The following SEMA6D variants were observed in gnomAD, a reference collection of about 807,000 sequenced individuals.
SEMA6D encodes semaphorin 6D.
SEMA6D carries 35 observed loss-of-function variants against 106.6 expected under a neutral mutation model. The ratio of observed to expected loss-of-function variants is 0.33; its 90% CI spans 0.25 to 0.44. The LOEUF (loss-of-function observed/expected upper bound fraction) is 0.44. SEMA6D is among the 20% of genes least tolerant of loss of function. The probability of loss-of-function intolerance (pLI) is 1.00; values close to 1 mark genes in which losing one functional copy is unlikely to be tolerated. For synonymous variants in SEMA6D, 499 were observed against 487.7 expected (o/e 1.02, Z -0.31); for missense variants, 1,185 against 1,345.9 (o/e 0.88, Z 1.87).
chr15:47,448,359 A>G (rs2042089615), intron 2 of SEMA6D, among the ~76,000 whole-genome samples: 1 of 126,856 alleles, frequency 7.9e-6, no homozygotes, highest in Admixed American at 7.6e-5. Context: ...ACAGGAATAG[A>G]AATTGTCTTG....
intron 4 of SEMA6D, among the ~76,000 whole-genome samples, chr15:47,706,964 G>A (rs1247117461): frequency 3.9e-5 from 6 of 152,148 alleles, no homozygotes; most frequent in Non-Finnish European, 7.4e-5. Flanking sequence ...TTTCCTTTTT[G>A]AAATAAAATG....
chr15:47,399,146 A>T (rs2040315667), intron 1 of SEMA6D, among the ~76,000 whole-genome samples: 1 of 152,212 alleles, frequency 6.6e-6, no homozygotes, highest in Admixed American at 6.5e-5. Flanking sequence ...ATCTCCTTTC[A>T]GTTTTTATTA....
Position 47,762,972 on chromosome 15 carries a change from G to T in SEMA6D, c.659-44G>T. ...TTGCAGTCGGGGTCTTATGCTAATT[G>T]AATTATCCTTTAGGAACCAGTTTGT... On this transcript the variant is annotated intron_variant, in intron 8 of 18. Transcript: ENST00000536845. 2.7e-6 allele frequency: 4 copies of T among 1,470,508 alleles called. No individual in the cohort carries two copies. In the South Asian group the frequency reaches 3.6e-5, roughly 13 times the overall value. 91.1% of individuals were successfully genotyped at this position (1,470,508 alleles called of 1,614,324 possible).
chr15:47,286,775 C>T (rs191601535), intron 1 of SEMA6D, among the ~76,000 whole-genome samples: 5 of 152,256 alleles, frequency 3.3e-5, no homozygotes, highest in East Asian at 1.9e-4. Flanking sequence ...TAGGGAATAT[C>T]CTCTAGCTCT....
intron 1 of SEMA6D, among the ~76,000 whole-genome samples, chr15:47,268,001 T>A (rs2034398800): frequency 6.6e-6 from 1 of 152,162 alleles, no homozygotes. Flanking sequence ...CATAGTGCAG[T>A]CTTCAAACCA....
chr15:47,190,680 G>T (rs530674258), intron 1 of SEMA6D, among the ~76,000 whole-genome samples: 8 of 152,268 alleles, frequency 5.3e-5, no homozygotes, highest in African/African-American at 1.9e-4. Flanking sequence ...AGATACATTA[G>T]TGTAAATTCC....
intron 2 of SEMA6D, among the ~76,000 whole-genome samples, chr15:47,417,778 A>C (rs2041022401): frequency 6.6e-6 from 1 of 152,028 alleles, no homozygotes; most frequent in Non-Finnish European, 1.5e-5. Flanking sequence ...CATGTGAAAG[A>C]CATTAATCAC....
chr15:47,406,763 A>G (rs1372885836), intron 1 of SEMA6D, among the ~76,000 whole-genome samples: 3 of 146,140 alleles, frequency 2.1e-5, no homozygotes, highest in African/African-American at 7.5e-5. Flanking sequence ...AGTAGATCTC[A>G]AGTGTTCTCA....
intron 4 of SEMA6D, among the ~76,000 whole-genome samples, chr15:47,674,803 C>T (rs79199246): frequency 0.027 from 4,093 of 152,204 alleles, 209 homozygotes; most frequent in African/African-American, 0.093. Context: ...TAGGAGCAGA[C>T]TATGGAACTG....
intron 2 of SEMA6D, among the ~76,000 whole-genome samples, chr15:47,432,643 G>GA (rs1440946249): frequency 5.2e-5 from 4 of 76,468 alleles, no homozygotes; most frequent in South Asian, 5.0e-4. Context: ...GCCCAAAAAA[G>GA]AAAAAAAATG....
chr15:47,376,687 G>A (rs2039460728), intron 1 of SEMA6D, among the ~76,000 whole-genome samples: 1 of 152,172 alleles, frequency 6.6e-6, no homozygotes, highest in East Asian at 1.9e-4. Flanking sequence ...GGGGAGCACT[G>A]GCTCTTTATT....
At chr15:47,534,968 G>A (rs2142111505) in intron 3 of SEMA6D, among the ~76,000 whole-genome samples, 1 of 150,584 alleles carries the variant, frequency 6.6e-6, no homozygotes, top group South Asian at 2.1e-4. Flanking sequence ...AGGAAAACTA[G>A]AAATAGACAT....
chr15:47,586,802 T>G (rs1208842262), intron 3 of SEMA6D, among the ~76,000 whole-genome samples: 1 of 151,104 alleles, frequency 6.6e-6, no homozygotes, highest in Non-Finnish European at 1.5e-5. Context: ...GCCATCAGTC[T>G]GTAAAGAAAA....
At chr15:47,723,721 C>T (rs1486451706) in intron 1 of SEMA6D, among the ~76,000 whole-genome samples, 1 of 151,208 alleles carries the variant, frequency 6.6e-6, no homozygotes, top group Non-Finnish European at 1.5e-5. Context: ...TTTTTTTATT[C>T]AGGATCTCTA....
chr15:47,713,894 G>A (rs1328072360), upstream of SEMA6D, among the ~76,000 whole-genome samples: 1 of 152,136 alleles, frequency 6.6e-6, no homozygotes, highest in Non-Finnish European at 1.5e-5. Flanking sequence ...GTTGGATTAA[G>A]TTTCAAATTC....
chr15:47,245,234 G>A (rs1421043572), intron 1 of SEMA6D, among the ~76,000 whole-genome samples: 5 of 152,068 alleles, frequency 3.3e-5, no homozygotes, highest in Non-Finnish European at 1.5e-5. Context: ...GGGTTTCTGG[G>A]TCAAATGGTA....
At chr15:47,354,387 G>A (rs1340946531) in intron 1 of SEMA6D, among the ~76,000 whole-genome samples, 5 of 103,780 alleles carry the variant, frequency 4.8e-5, no homozygotes, top group African/African-American at 1.5e-4. Context: ...ATATATATAT[G>A]GAATATATAT....
intron 3 of SEMA6D, chr15:47,527,781 T>C (rs1256740038): frequency 6.6e-6 from 1 of 151,972 alleles, no homozygotes; most frequent in Non-Finnish European, 1.5e-5. Flanking sequence ...TTCATGAAAA[T>C]TTCTGTAAAA....
At chr15:47,265,794 T>C (rs2034289892) in intron 1 of SEMA6D, among the ~76,000 whole-genome samples, 1 of 152,088 alleles carries the variant, frequency 6.6e-6, no homozygotes, top group South Asian at 2.1e-4. Context: ...TGTTTACTTA[T>C]TTAGAGACTG....
Sources: gnomAD v4.1 joint callset for allele counts (sites outside exome capture counted in the v4.1 genomes callset) on GRCh38, gnomAD v4.1.1 for gene constraint, MANE v1.5 for transcripts, NCBI Gene and HGNC (gene_info 2026-07-23, HGNC 2026-07-21) for gene names.